The following CLVS1 variants were observed in gnomAD, a reference collection of about 807,000 sequenced individuals.
The protein encoded by CLVS1 is clavesin 1.
A neutral mutation model predicts 33.1 loss-of-function variants in CLVS1; 10 were observed. That is an observed-to-expected ratio of 0.30 (90% CI 0.19 to 0.51). The LOEUF is 0.51. CLVS1 is among the 20% of genes least tolerant of loss of function. CLVS1 has a pLI of 0.97. For synonymous variants in CLVS1, 163 were observed against 166.1 expected (o/e 0.98, Z 0.14); for missense variants, 343 against 433.4 (o/e 0.79, Z 1.85).
chr8:61,098,403 A>ATG (rs1491407954), intron 1 of CLVS1, among the ~76,000 whole-genome samples: 4 of 22,228 alleles, frequency 1.8e-4, no homozygotes, highest in Non-Finnish European at 4.1e-4. Context: ...AGGGAAACTG[A>ATG]TATATATATA....
At chr8:61,096,664 GA>G (rs1439325882) in intron 1 of CLVS1, among the ~76,000 whole-genome samples, 1 of 152,130 alleles carries the variant, frequency 6.6e-6, no homozygotes, top group Non-Finnish European at 1.5e-5. Flanking sequence ...ACCAGAACAT[GA>G]GTCAATAATG....
At chr8:61,315,499 A>G (rs181176032) in intron 2 of CLVS1, among the ~76,000 whole-genome samples, 27 of 152,206 alleles carry the variant, frequency 1.8e-4, no homozygotes, top group East Asian at 5.8e-4. Flanking sequence ...CGTGATATAC[A>G]TGACTGTGAT....
rs577286287 is a variant in CLVS1, at chr8:61,155,101, C to A, written c.-152+23241C>A. Among the ~76,000 whole-genome samples the A allele has an allele frequency of 8.5e-4, 130 of 152,232 alleles. 2 individuals carry two copies. The South Asian group carries it at 0.024, about 28-fold the overall frequency. Reference sequence around the variant, plus strand: ...AGGCCCACACAGATGTTGTCAGAAACAGGAAATATAAAATTTCGAGCAAAC... The same window carrying A: ...AGGCCCACACAGATGTTGTCAGAAAAAGGAAATATAAAATTTCGAGCAAAC... On this transcript the variant is annotated intron_variant, in intron 2 of 2. Coordinates refer to the CLVS1 transcript ENST00000522621.
At chr8:61,202,227 T>A in intron 2 of CLVS1, 1 of 479,290 alleles carries the variant, frequency 2.1e-6, no homozygotes, top group South Asian at 2.2e-5. Context: ...GATTTCTTTA[T>A]CATGGCTAGC....
intron 3 of CLVS1, among the ~76,000 whole-genome samples, chr8:61,424,888 A>C (rs546553521): frequency 1.4e-3 from 211 of 152,346 alleles, no homozygotes; most frequent in African/African-American, 4.9e-3. Flanking sequence ...AAATAAAATT[A>C]TCTCTTTCTC....
At chr8:61,265,187 T>C (rs1307286764) in intron 2 of CLVS1, among the ~76,000 whole-genome samples, 1 of 152,238 alleles carries the variant, frequency 6.6e-6, no homozygotes, top group East Asian at 1.9e-4. Flanking sequence ...TGAGCTACTC[T>C]CTGCTCCTCA....
chr8:60,982,504 G>T, the CLVS1 span, among the ~76,000 whole-genome samples: 1 of 152,112 alleles, frequency 6.6e-6, no homozygotes, highest in African/African-American at 2.4e-5. Flanking sequence ...CCTATGTAAA[G>T]TAGACAGCAT....
intron 3 of CLVS1, among the ~76,000 whole-genome samples, chr8:61,413,139 C>T (rs184029220): frequency 5.6e-4 from 86 of 152,246 alleles, no homozygotes; most frequent in African/African-American, 2.0e-3. Flanking sequence ...AGTAGCATTT[C>T]ACTTAGTACT....
intron 1 of CLVS1, among the ~76,000 whole-genome samples, chr8:61,066,910 C>T (rs988190403): frequency 6.6e-6 from 1 of 152,142 alleles, no homozygotes; most frequent in Non-Finnish European, 1.5e-5. Flanking sequence ...CAGGCTGGTG[C>T]CACACACGGC....
At chr8:61,243,286 G>A (rs967326255) in intron 2 of CLVS1, among the ~76,000 whole-genome samples, 32 of 152,144 alleles carry the variant, frequency 2.1e-4, no homozygotes, top group African/African-American at 6.3e-4. Flanking sequence ...CGTTACTATA[G>A]TGGAATGTAT....
At chr8:61,365,645 C>A (rs1448857954) in intron 2 of CLVS1, among the ~76,000 whole-genome samples, 1 of 152,070 alleles carries the variant, frequency 6.6e-6, no homozygotes, top group Non-Finnish European at 1.5e-5. Flanking sequence ...TCTGAGTAGG[C>A]TGATATGATC....
intron 3 of CLVS1, among the ~76,000 whole-genome samples, chr8:61,409,896 CATGTTTAAGTGGA>C (rs1452300743): frequency 3.3e-5 from 5 of 151,980 alleles, no homozygotes; most frequent in Non-Finnish European, 7.4e-5. Context: ...ATCATTTTTT[CATGTTTAAGTGGA>C]ATTTGTAGTT....
the CLVS1 span, among the ~76,000 whole-genome samples, chr8:61,023,705 C>T: frequency 2.6e-5 from 4 of 152,160 alleles, no homozygotes; most frequent in African/African-American, 9.7e-5. Flanking sequence ...GTTTTCTGCA[C>T]GGCCGCCGGG....
chr8:61,186,876 G>A (rs995095614), intron 2 of CLVS1, among the ~76,000 whole-genome samples: 1 of 152,200 alleles, frequency 6.6e-6, no homozygotes, highest in African/African-American at 2.4e-5. Context: ...AGGGCAGTTG[G>A]ACTGAGAAAA....
chr8:61,471,802 G>A (rs575479773), intron 5 of CLVS1, among the ~76,000 whole-genome samples: 8 of 152,298 alleles, frequency 5.3e-5, no homozygotes, highest in African/African-American at 1.9e-4. Context: ...CTTTATTAGT[G>A]TTGCTCCTTT....
At chr8:61,129,922 G>A (rs1025826772) in intron 1 of CLVS1, among the ~76,000 whole-genome samples, 9 of 152,150 alleles carry the variant, frequency 5.9e-5, no homozygotes, top group African/African-American at 2.2e-4. Flanking sequence ...CCTTGTTTCT[G>A]TAATCCTGAT....
chr8:61,320,753 C>A (rs1369056953), intron 2 of CLVS1, among the ~76,000 whole-genome samples: 1 of 152,086 alleles, frequency 6.6e-6, no homozygotes, highest in Non-Finnish European at 1.5e-5. Context: ...GCTCTAGAGC[C>A]CTCATGAGCT....
At chr8:61,421,652 G>A (rs1300903333) in intron 3 of CLVS1, among the ~76,000 whole-genome samples, 1 of 152,226 alleles carries the variant, frequency 6.6e-6, no homozygotes, top group Non-Finnish European at 1.5e-5. Context: ...GCCGGATGTG[G>A]TGTCCAGCTG....
intron 5 of CLVS1, among the ~76,000 whole-genome samples, chr8:61,472,864 A>G (rs150833959): frequency 6.6e-6 from 1 of 152,242 alleles, no homozygotes; most frequent in African/African-American, 2.4e-5. Context: ...TTGTGCTGTG[A>G]GGATTAAAGG....
Sources: gnomAD v4.1 joint callset for allele counts (sites outside exome capture counted in the v4.1 genomes callset) on GRCh38, gnomAD v4.1.1 for gene constraint, MANE v1.5 for transcripts, NCBI Gene and HGNC (gene_info 2026-07-23, HGNC 2026-07-21) for gene names.